MIGA1: variants seen among roughly 807,000 people sequenced by gnomAD.
The protein encoded by MIGA1 is family with sequence similarity 73, member A.
Under a neutral mutation model 82.0 loss-of-function variants are expected in MIGA1, and 58 were observed. The ratio of observed to expected loss-of-function variants is 0.71; its 90% CI spans 0.57 to 0.88. The LOEUF (loss-of-function observed/expected upper bound fraction) is 0.88. Ranked by LOEUF, MIGA1 falls within the 40% of genes least tolerant of loss-of-function variation. The pLI is 0.00. For missense variants in MIGA1, 751 were observed against 749.1 expected, an observed-to-expected ratio of 1.00 and a Z score of -0.03; for synonymous variants, 249 against 253.6, an observed-to-expected ratio of 0.98 and a Z score of 0.17.
rs575160531 is a variant in MIGA1, at chr1:77,861,474, T to C, written c.1374+152T>C. The C allele has an allele frequency of 5.3e-5, 30 of 567,874 alleles. 1 individual carries two copies. In the South Asian group the frequency reaches 7.2e-4, roughly 14 times the overall value. 35.2% of individuals were successfully genotyped at this position (567,874 alleles called of 1,614,324 possible). A position where few individuals can be genotyped will look rare whatever the true frequency, so the allele number is the denominator to read the frequency against. ...TTTCTGACGAAGTCATAAACCACAC[T>C]CCTTGTACGTTGGGGCAGTAGTTGT... On this transcript the variant is annotated intron_variant, in intron 12 of 15. Transcript: ENST00000370791.
chr1:77,779,746 C>G lies in MIGA1; in HGVS notation c.81+10C>G. 6.4e-7 allele frequency: 1 copy of G among 1,558,170 alleles called. No homozygotes were observed. Among genetic ancestry groups the G allele is most frequent in the Non-Finnish European group, 8.7e-7 (1 of 1,151,190 alleles). The stretch of plus-strand genomic sequence containing the variant: ...TGGCCTGGAGCTCCAGGTACAGGGC[C>G]AGGGGCGGGGTGGGGTGGAGAGGCG... On this transcript the variant is annotated intron_variant, in intron 1 of 15. Transcript: ENST00000370791.
Position 77,815,245 on chromosome 1 carries a change from T to G in MIGA1, c.895+14T>G. 1.3e-6 allele frequency: 2 copies of G among 1,565,708 alleles called. No homozygotes were observed. Among genetic ancestry groups the G allele is most frequent in the Non-Finnish European group, 1.7e-6 (2 of 1,153,200 alleles). On this transcript the variant is annotated intron_variant, in intron 7 of 15. Coordinates refer to ENST00000370791, the MANE Select transcript of MIGA1 (RefSeq NM_198549.4). ...CTGATGATATTGGTAAGATGGATAT[T>G]TCATATGGCTTTTATGAAATGTTTA...
At chr1:77,805,473 T>TC (rs1275296011) in intron 4 of MIGA1, among the ~76,000 whole-genome samples, 2 of 150,572 alleles carry the variant, frequency 1.3e-5, no homozygotes, top group Non-Finnish European at 3.0e-5. Flanking sequence ...TTTTTTTTTT[T>TC]TTTTTTGTCT....
At chr1:77,811,327 A>T in intron 5 of MIGA1, 1 of 1,606,410 alleles carries the variant, frequency 6.2e-7, no homozygotes, top group East Asian at 2.2e-5. Context: ...AGTACCGGGA[A>T]CTCTAGCAGG....
intron 7 of MIGA1, among the ~76,000 whole-genome samples, chr1:77,822,076 G>T (rs1288846030): frequency 6.6e-6 from 1 of 151,820 alleles, no homozygotes; most frequent in Non-Finnish European, 1.5e-5. Flanking sequence ...CTCTATAGAG[G>T]TGGTAGATAC....
At chr1:77,859,291 T>A in intron 9 of MIGA1, 23 bp from the exon 10 acceptor site, 1 of 1,580,172 alleles carries the variant, frequency 6.3e-7, no homozygotes, top group Non-Finnish European at 8.7e-7. Flanking sequence ...GTTTAACAAT[T>A]GTCTCCCCTG....
At chr1:77,780,241 TGAGC>T (rs1681845674) in intron 1 of MIGA1, 1 of 918,016 alleles carries the variant, frequency 1.1e-6, no homozygotes, top group African/African-American at 1.8e-5. Flanking sequence ...CGGGTGGTTT[TGAGC>T]AGGGAGTGGC....
At position 77,803,311 on chromosome 1, in the gene MIGA1, T is replaced by C; in HGVS notation, c.415T>C (p.Leu139=). Residue 139 remains leucine, a synonymous_variant, in exon 4 of 16, where the codon TTA becomes CTA. Coordinates refer to ENST00000370791, the MANE Select transcript of MIGA1 (RefSeq NM_198549.4). ...TAGCAGACAGAATTTGACATTATCT[T>C]TAAGTTCTACCAAAGACAAAGGATC... 6.4e-7 allele frequency: 1 copy of C among 1,555,382 alleles called. No individual in the cohort carries two copies. The highest frequency in any genetic ancestry group is 8.7e-7 in the Non-Finnish European group (1 of 1,150,194).
At chr1:77,796,566 G>A (rs953886794) in intron 2 of MIGA1, among the ~76,000 whole-genome samples, 5 of 152,126 alleles carry the variant, frequency 3.3e-5, no homozygotes, top group Non-Finnish European at 7.4e-5. Flanking sequence ...GAGACTACAG[G>A]CAGGTACCAC....
At chr1:77,780,974 T>C (rs1409213223) in intron 1 of MIGA1, among the ~76,000 whole-genome samples, 3 of 151,292 alleles carry the variant, frequency 2.0e-5, no homozygotes, top group East Asian at 3.9e-4. Flanking sequence ...TGGCGTGATC[T>C]CTGCTCACTG....
At position 77,807,040 on chromosome 1, in the gene MIGA1, T is replaced by C. The variant is rs1557903173; in HGVS notation, c.576T>C (p.Asp192=). Reference sequence around the variant, plus strand: ...ATTCTAATTCCTGGGACAAAGCAGATGAAGATGATATTAAACTTGTTAATA... The same window carrying C: ...ATTCTAATTCCTGGGACAAAGCAGACGAAGATGATATTAAACTTGTTAATA... Residue 192 remains aspartate (D), a synonymous_variant, in exon 5 of 16, where the codon GAT becomes GAC. Transcript: ENST00000370791. 8 of 1,607,394 alleles carry C rather than the reference T, an allele frequency of 5.0e-6. No individual in the cohort carries two copies. Among genetic ancestry groups the C allele is most frequent in the Admixed American group, 1.7e-5 (1 of 59,932 alleles).
chr1:77,844,113 A>AAAAAAATAT (rs1296124524), intron 8 of MIGA1, among the ~76,000 whole-genome samples: 102 of 90,066 alleles, frequency 1.1e-3, no homozygotes, highest in Non-Finnish European at 1.8e-3. Context: ...AAAAAAAAAA[A>AAAAAAATAT]ATATATATAT....
intron 12 of MIGA1, 71 bp downstream of exon 12, chr1:77,861,393 A>C: frequency 1.0e-6 from 1 of 983,846 alleles, no homozygotes; most frequent in South Asian, 1.4e-5. Context: ...AGTTGAGACT[A>C]CTGTTTCATT....
At chr1:77,871,141 G>GGAGAGT (rs1405280877) in intron 14 of MIGA1, among the ~76,000 whole-genome samples, 1 of 148,712 alleles carries the variant, frequency 6.7e-6, no homozygotes, top group African/African-American at 2.5e-5. Context: ...AGAGGGAGAG[G>GGAGAGT]GCAGCACATT....
intron 2 of MIGA1, among the ~76,000 whole-genome samples, chr1:77,792,715 C>T (rs909314442): frequency 6.6e-6 from 1 of 150,748 alleles, no homozygotes; most frequent in South Asian, 2.1e-4. Flanking sequence ...TGTTTGCCAT[C>T]TGTATATCAT....
At chr1:77,791,495 TGTAG>T (rs1682422818) in intron 2 of MIGA1, among the ~76,000 whole-genome samples, 2 of 151,982 alleles carry the variant, frequency 1.3e-5, no homozygotes, top group South Asian at 4.1e-4. Context: ...AACATTTGCT[TGTAG>T]GTGTTTGTGT....
At chr1:77,857,322 GTT>G (rs58521309) in intron 8 of MIGA1, among the ~76,000 whole-genome samples, 70 of 144,092 alleles carry the variant, frequency 4.9e-4, no homozygotes, top group Non-Finnish European at 6.7e-4. Flanking sequence ...GTGTACTTTG[GTT>G]TTTTTTTTTT....
chr1:77,798,753 T>C (rs1342494624), intron 2 of MIGA1, among the ~76,000 whole-genome samples: 1 of 152,216 alleles, frequency 6.6e-6, no homozygotes, highest in African/African-American at 2.4e-5. Flanking sequence ...GGGCACACCC[T>C]AATCCAGTAT....
At chr1:77,819,080 CAA>C (rs745979095) in intron 7 of MIGA1, among the ~76,000 whole-genome samples, 29 of 63,282 alleles carry the variant, frequency 4.6e-4, no homozygotes, top group Non-Finnish European at 4.6e-4. Flanking sequence ...AACTCTGTCC[CAA>C]AAAAAAAAAA....
Sources: gnomAD v4.1 joint callset for allele counts (sites outside exome capture counted in the v4.1 genomes callset) on GRCh38, gnomAD v4.1.1 for gene constraint, MANE v1.5 for transcripts, NCBI Gene and HGNC (gene_info 2026-07-23, HGNC 2026-07-21) for gene names.